SPHKAP: variants seen among roughly 807,000 people sequenced by gnomAD.
SPHKAP encodes A-kinase anchor protein SPHKAP.
Under a neutral mutation model 137.5 loss-of-function variants are expected in SPHKAP, and 67 were observed. The observed-to-expected ratio is 0.49, with a 90% CI of 0.40 to 0.60. The LOEUF (loss-of-function observed/expected upper bound fraction) is 0.60, where lower values mean the gene tolerates loss of function less well. Among genes scored for constraint, SPHKAP ranks in the 20% least tolerant of loss-of-function variants. SPHKAP has a pLI of 0.00. For synonymous variants in SPHKAP, 813 were observed against 785.3 expected, an observed-to-expected ratio of 1.04 and a Z score of -0.59; for missense variants, 2,097 against 2,069.3, an observed-to-expected ratio of 1.01 and a Z score of -0.26.
At chr2:228,003,491 C>T (rs1052962686) in intron 7 of SPHKAP, among the ~76,000 whole-genome samples, 1 of 152,154 alleles carries the variant, frequency 6.6e-6, no homozygotes, top group East Asian at 1.9e-4. Flanking sequence ...TCTAAATACA[C>T]AATCATGTCA....
chr2:228,017,012 G>A lies in SPHKAP; in HGVS notation c.3842C>T (p.Ser1281Phe). 1 of 1,614,150 alleles carries A rather than the reference G, an allele frequency of 6.2e-7. No homozygotes were observed. The highest frequency in any genetic ancestry group is 1.6e-4 in the Middle Eastern group (1 of 6,062). ...FLSVQPVSSA[S>F]SSGLCKSDSC... ...GTCAGATTTGCAGAGACCGGATGAG[G>A]ACGCGCTACTGACCGGCTGCACGCT... The change falls in exon 7 of 12, where the codon TCC (serine) becomes TTC (phenylalanine). Residue 1281 changes from serine (S) to phenylalanine (F), a missense_variant. Ser to Phe is a radical substitution (Grantham distance 155, BLOSUM62 -2). Coordinates refer to ENST00000392056, the MANE Select transcript of SPHKAP (RefSeq NM_001142644.2).
At chr2:228,069,691 C>G (rs889809547) in intron 3 of SPHKAP, among the ~76,000 whole-genome samples, 1 of 151,922 alleles carries the variant, frequency 6.6e-6, no homozygotes, top group Non-Finnish European at 1.5e-5. Context: ...CTAACACTAA[C>G]AGCAAATAAA....
At chr2:228,113,604 T>TCTCTCTCTCTCTCTCC (rs2106353685) in intron 2 of SPHKAP, among the ~76,000 whole-genome samples, 1 of 12,454 alleles carries the variant, frequency 8.0e-5, no homozygotes, top group East Asian at 2.8e-3. Context: ...CATTTAGCCA[T>TCTCTCTCTCTCTCTCC]CTCTCTCTCT....
chr2:228,116,704 G>T (rs1698722160), intron 2 of SPHKAP, among the ~76,000 whole-genome samples: 1 of 152,064 alleles, frequency 6.6e-6, no homozygotes. Context: ...TGGGCTTTTT[G>T]CCAAACAATA....
intron 3 of SPHKAP, among the ~76,000 whole-genome samples, chr2:228,041,511 G>T (rs1695838810): frequency 6.6e-6 from 1 of 151,912 alleles, no homozygotes; most frequent in Non-Finnish European, 1.5e-5. Context: ...CAGGCGTGGT[G>T]GTGCGTGCCT....
In SPHKAP at chr2:228,132,843, C is replaced by CAAAAAAAAAAAAAAAAAAA. The variant is rs1313392929; in HGVS notation, c.33-759_33-758insTTTTTTTTTTTTTTTTTTT. ...TGAAACCCTGTTTCTACTAAAAATA[C>CAAAAAAAAAAAAAAAAAAA]AAAAAAAAAAATAAGCCAGGTGTGG... On this transcript the variant is annotated intron_variant, in intron 1 of 11. Coordinates refer to ENST00000392056, the MANE Select transcript of SPHKAP (RefSeq NM_001142644.2). 2.3e-4 allele frequency among the ~76,000 whole-genome samples: 29 copies of CAAAAAAAAAAAAAAAAAAA among 126,178 alleles called. 1 individual carries two copies. Among genetic ancestry groups the CAAAAAAAAAAAAAAAAAAA allele is most frequent in the Non-Finnish European group, 2.8e-4 (17 of 59,816 alleles). The allele number at this position is 126,178 out of a possible 152,430, so 82.8% of individuals were successfully genotyped here.
At chr2:228,151,277 G>A (rs1184966523) in intron 1 of SPHKAP, among the ~76,000 whole-genome samples, 1 of 151,644 alleles carries the variant, frequency 6.6e-6, no homozygotes, top group East Asian at 1.9e-4. Flanking sequence ...CATTTTTTAT[G>A]GCTGCATAGT....
chr2:228,114,610 G>A lies in SPHKAP; in HGVS notation c.139-5671C>T, dbSNP rs150267766. Among the ~76,000 whole-genome samples the A allele has an allele frequency of 1.4e-4, 21 of 152,178 alleles. No individual in the cohort carries two copies. In the East Asian group the frequency reaches 3.9e-3, roughly 28 times the overall value. ...ATCAAATGAGAACATGCTTGTAAAG[G>A]GCTAGCCTCAACAGAGTATGCAATT... On this transcript the variant is annotated intron_variant, in intron 2 of 11. Transcript: ENST00000392056.
chr2:228,109,234 TTG>T (rs1480183380), intron 2 of SPHKAP: 2 of 348,688 alleles, frequency 5.7e-6, no homozygotes, highest in Admixed American at 1.3e-4. Flanking sequence ...AATCAAATGA[TTG>T]TTTTGGGGGT....
chr2:228,072,497 T>A (rs534485685), intron 3 of SPHKAP, among the ~76,000 whole-genome samples: 1 of 152,248 alleles, frequency 6.6e-6, no homozygotes, highest in Admixed American at 6.5e-5. Flanking sequence ...CCAGTGTACA[T>A]CACCCCAAAT....
At chr2:228,050,517 T>A (rs1696217246) in intron 3 of SPHKAP, among the ~76,000 whole-genome samples, 1 of 152,230 alleles carries the variant, frequency 6.6e-6, no homozygotes, top group Non-Finnish European at 1.5e-5. Flanking sequence ...TTATTTTTAC[T>A]GATACATATT....
At chr2:228,088,798 G>T (rs942620113) in intron 3 of SPHKAP, among the ~76,000 whole-genome samples, 1 of 152,096 alleles carries the variant, frequency 6.6e-6, no homozygotes, top group African/African-American at 2.4e-5. Context: ...TTTACCTTCT[G>T]CCATGATTGT....
intron 3 of SPHKAP, among the ~76,000 whole-genome samples, chr2:228,032,688 ACT>A (rs1417566471): frequency 6.6e-6 from 1 of 152,208 alleles, no homozygotes; most frequent in African/African-American, 2.4e-5. Flanking sequence ...CTTGGCAGAA[ACT>A]CTACAAGCCA....
intron 1 of SPHKAP, among the ~76,000 whole-genome samples, chr2:228,162,742 A>G (rs966537258): frequency 6.6e-6 from 1 of 152,108 alleles, no homozygotes; most frequent in Non-Finnish European, 1.5e-5. Flanking sequence ...CTTGTTGCCC[A>G]GGCTGGAGTG....
chr2:227,993,447 T>C (rs1177955978), intron 9 of SPHKAP, 87 bp downstream of exon 9: 25 of 1,236,586 alleles, frequency 2.0e-5, no homozygotes, highest in South Asian at 1.3e-4. Context: ...AGGTCAGTGG[T>C]TGGGCACAAC....
chr2:228,033,021 C>T (rs111636929), intron 3 of SPHKAP, among the ~76,000 whole-genome samples: 151 of 152,292 alleles, frequency 9.9e-4, no homozygotes, highest in Middle Eastern at 6.8e-3. Flanking sequence ...CATATACACA[C>T]ATAACAATAT....
At chr2:228,142,484 A>G (rs1019528592) in intron 1 of SPHKAP, among the ~76,000 whole-genome samples, 1 of 152,068 alleles carries the variant, frequency 6.6e-6, no homozygotes, top group African/African-American at 2.4e-5. Context: ...AAAAAAAAAA[A>G]GAAGGATTAT....
chr2:228,020,849 C>A (rs927804049), intron 6 of SPHKAP, among the ~76,000 whole-genome samples: 3 of 152,038 alleles, frequency 2.0e-5, no homozygotes, highest in Non-Finnish European at 4.4e-5. Context: ...TGCCACCCAA[C>A]AAAATGGCTT....
At chr2:228,020,579 A>T (rs1011314349) in intron 6 of SPHKAP, among the ~76,000 whole-genome samples, 2 of 151,820 alleles carry the variant, frequency 1.3e-5, no homozygotes, top group African/African-American at 4.8e-5. Context: ...TGGCGGGGGG[A>T]GTGGGGAGGG....
Sources: gnomAD v4.1 joint callset for allele counts (sites outside exome capture counted in the v4.1 genomes callset) on GRCh38, gnomAD v4.1.1 for gene constraint, MANE v1.5 for transcripts, NCBI Gene and HGNC (gene_info 2026-07-23, HGNC 2026-07-21) for gene names.